Variants in LARGE1 observed in about 807,000 individuals in gnomAD.
LARGE1 encodes xylosyl- and glucuronyltransferase LARGE1.
Under a neutral mutation model 87.6 loss-of-function variants are expected in LARGE1, and 43 were observed. The ratio of observed to expected loss-of-function variants is 0.49; its 90% CI spans 0.38 to 0.63. The LOEUF (loss-of-function observed/expected upper bound fraction) is 0.63, where lower values mean the gene tolerates loss of function less well. Among genes scored for constraint, LARGE1 ranks in the 30% least tolerant of loss-of-function variants. The probability of loss-of-function intolerance (pLI) is 0.00; values close to 1 mark genes in which losing one functional copy is unlikely to be tolerated. For synonymous variants in LARGE1, 434 were observed against 394.6 expected (o/e 1.10, Z -1.18); for missense variants, 802 against 1,000.2 (o/e 0.80, Z 2.67).
At chr22:33,920,981 G>A (rs1376400461), upstream of LARGE1, among the ~76,000 whole-genome samples, 18 of 149,654 alleles carry the variant, frequency 1.2e-4, no homozygotes, top group African/African-American at 3.4e-4. Flanking sequence ...TGCCCAGAGC[G>A]CCGGACTCGC....
intron 5 of LARGE1, among the ~76,000 whole-genome samples, chr22:33,565,778 C>G (rs1221302832): frequency 6.6e-6 from 1 of 151,570 alleles, no homozygotes; most frequent in Non-Finnish European, 1.5e-5. Context: ...ATGATCCTCA[C>G]ATAACATAAT....
intron 6 of LARGE1, among the ~76,000 whole-genome samples, chr22:33,519,231 C>CGTGTGTGTGTGTGTGT (rs769245398): frequency 7.4e-6 from 1 of 134,544 alleles, no homozygotes; most frequent in African/African-American, 2.7e-5. Context: ...CGTGCGTGCG[C>CGTGTGTGTGTGTGTGT]GCGCGTGTGT....
chr22:33,739,453 C>T (rs557913687), intron 2 of LARGE1, among the ~76,000 whole-genome samples: 33 of 152,310 alleles, frequency 2.2e-4, no homozygotes, highest in South Asian at 1.9e-3. Context: ...CTTTCAGCTG[C>T]GGTACTGTCC....
chr22:33,508,194 C>T (rs2070856040), intron 6 of LARGE1, among the ~76,000 whole-genome samples: 1 of 152,140 alleles, frequency 6.6e-6, no homozygotes, highest in Admixed American at 6.5e-5. Context: ...TAGCCAAAAC[C>T]AGGTGGTGCT....
chr22:33,749,763 A>C (rs186666949), intron 2 of LARGE1, among the ~76,000 whole-genome samples: 1 of 152,298 alleles, frequency 6.6e-6, no homozygotes, highest in Admixed American at 6.5e-5. Flanking sequence ...AGAAGTTCGC[A>C]TGTCTTCTCT....
chr22:33,511,914 GCATATCTTC>G, intron 6 of LARGE1, among the ~76,000 whole-genome samples: 1 of 152,192 alleles, frequency 6.6e-6, no homozygotes, highest in Admixed American at 6.5e-5. Flanking sequence ...TGGGACTGTA[GCATATCTTC>G]TTGTCTCATC....
At chr22:33,858,345 G>A (rs1292281069) in intron 1 of LARGE1, among the ~76,000 whole-genome samples, 3 of 152,278 alleles carry the variant, frequency 2.0e-5, no homozygotes, top group Admixed American at 6.5e-5. Flanking sequence ...TAACAAACCC[G>A]GACCAGAAGA....
chr22:33,316,292 C>G (rs754836488), intron 10 of LARGE1, 44 bp from the exon 11 acceptor site: 1 of 1,601,484 alleles, frequency 6.2e-7, no homozygotes, highest in South Asian at 1.1e-5. Flanking sequence ...AGAAGAGGTC[C>G]GAGGGGGCCC....
At chr22:33,183,612 A>ACACACACAC in intron 11 of LARGE1, among the ~76,000 whole-genome samples, 1 of 91,610 alleles carries the variant, frequency 1.1e-5, no homozygotes, top group African/African-American at 3.8e-5. Context: ...ACACACACAC[A>ACACACACAC]CACACACGCA....
chr22:33,218,147 C>T (rs2146250573), intron 11 of LARGE1, among the ~76,000 whole-genome samples: 1 of 152,164 alleles, frequency 6.6e-6, no homozygotes. Flanking sequence ...CCAGGCTTGT[C>T]TCGAAGTCCT....
chr22:33,253,908 G>GT (rs536060752), intron 11 of LARGE1, among the ~76,000 whole-genome samples: 120,440 of 143,258 alleles, frequency 0.84, 50,703 homozygotes, highest in South Asian at 0.94. Flanking sequence ...TTCCTTCTTG[G>GT]TTTTTTTTTT....
At chr22:33,263,662 T>A (rs1927768758) in intron 11 of LARGE1, among the ~76,000 whole-genome samples, 1 of 152,364 alleles carries the variant, frequency 6.6e-6, no homozygotes, top group Non-Finnish European at 1.5e-5. Context: ...AGCACAGGTC[T>A]GCCATAACTG....
chr22:33,690,212 T>C (rs963207304), intron 2 of LARGE1, among the ~76,000 whole-genome samples: 1 of 151,926 alleles, frequency 6.6e-6, no homozygotes, highest in Non-Finnish European at 1.5e-5. Context: ...AAAGTAGAAA[T>C]GACAAAAAGA....
chr22:33,893,520 T>C (rs192661986), intron 1 of LARGE1, among the ~76,000 whole-genome samples: 117 of 152,270 alleles, frequency 7.7e-4, no homozygotes, highest in Admixed American at 1.6e-3. Flanking sequence ...GGTGATGCTA[T>C]AGGAAAAAAC....
At chr22:33,575,894 C>G (rs1359759820) in intron 5 of LARGE1, among the ~76,000 whole-genome samples, 3 of 152,170 alleles carry the variant, frequency 2.0e-5, no homozygotes, top group Non-Finnish European at 2.9e-5. Context: ...CTTTGCGAAG[C>G]TTGAGGGGAT....
chr22:33,553,341 G>A (rs2077583461), intron 6 of LARGE1, among the ~76,000 whole-genome samples: 1 of 138,668 alleles, frequency 7.2e-6, no homozygotes, highest in Admixed American at 7.8e-5. Flanking sequence ...CCCTGTGTCT[G>A]CAAAAATAAA....
At chr22:33,528,290 G>A (rs968370265) in intron 6 of LARGE1, among the ~76,000 whole-genome samples, 26 of 152,132 alleles carry the variant, frequency 1.7e-4, no homozygotes, top group African/African-American at 5.8e-4. Flanking sequence ...ACAGGCTGGG[G>A]ACTGTAGACT....
At chr22:33,344,289 G>A (rs1443359974) in intron 9 of LARGE1, among the ~76,000 whole-genome samples, 1 of 152,118 alleles carries the variant, frequency 6.6e-6, no homozygotes, top group African/African-American at 2.4e-5. Flanking sequence ...ATAGTAAGAT[G>A]AGCACTGATT....
At chr22:33,254,776 T>C (rs1444902599) in intron 11 of LARGE1, among the ~76,000 whole-genome samples, 1 of 152,170 alleles carries the variant, frequency 6.6e-6, no homozygotes, top group East Asian at 1.9e-4. Flanking sequence ...ATTGATAGTA[T>C]CATTCTTCTT....
Sources: gnomAD v4.1 joint callset for allele counts (sites outside exome capture counted in the v4.1 genomes callset) on GRCh38, gnomAD v4.1.1 for gene constraint, MANE v1.5 for transcripts, NCBI Gene and HGNC (gene_info 2026-07-23, HGNC 2026-07-21) for gene names.